The following PGS1 variants were observed in gnomAD, a reference collection of about 807,000 sequenced individuals.
PGS1 encodes phosphatidylglycerophosphate synthase 1, also known as CDP-diacylglycerol--glycerol-3-phosphate 3-phosphatidyltransferase, mitochondrial.
In PGS1, 44 loss-of-function variants were observed where a neutral mutation model predicts 58.3. The ratio of observed to expected loss-of-function variants is 0.75; its 90% CI spans 0.59 to 0.97. The LOEUF is 0.97. Ranked by LOEUF, PGS1 falls within the 50% of genes least tolerant of loss-of-function variation. The pLI, the probability that PGS1 is intolerant of heterozygous loss-of-function variation, is 0.00. For synonymous variants in PGS1, 330 were observed against 311.0 expected (o/e 1.06, Z -0.64); for missense variants, 684 against 731.1 (o/e 0.94, Z 0.74).
intron 9 of PGS1, chr17:78,421,969 CCT>C (rs10535561): frequency 0.65 from 98,503 of 152,044 alleles, 33,984 homozygotes; most frequent in East Asian, 0.94. Flanking sequence ...TGTTCCAGTC[CCT>C]GTGTTCCCCG....
Position 78,399,289 on chromosome 17 carries a change from T to C in PGS1, c.512-59T>C, listed in dbSNP as rs533343897. 9.4e-5 allele frequency: 131 copies of C among 1,387,836 alleles called. No individual in the cohort carries two copies. The East Asian group carries it at 1.8e-3, about 19-fold the overall frequency. 86.0% of individuals were successfully genotyped at this position (1,387,836 alleles called of 1,614,324 possible). ...GAGGCCACGTGGAGGTGGCTCCTCATTGGGGGCAGGACGCCTTCCTGTTGT... is the reference window on the plus strand; with the variant it reads ...GAGGCCACGTGGAGGTGGCTCCTCACTGGGGGCAGGACGCCTTCCTGTTGT... On this transcript the variant is annotated intron_variant, in intron 4 of 9. Coordinates refer to ENST00000262764, the MANE Select transcript of PGS1 (RefSeq NM_024419.5).
rs962414666 is a variant in PGS1, at chr17:78,399,373, G to C, written c.537G>C (p.Leu179=). The C allele has an allele frequency of 1.2e-6, 2 of 1,614,048 alleles. No individual in the cohort carries two copies. The highest frequency in any genetic ancestry group is 2.2e-5 in the South Asian group (2 of 91,082). The change falls in exon 5 of 10, where the codon CTG becomes CTC. Residue 179 remains leucine, a synonymous_variant. Transcript: ENST00000262764. The stretch of plus-strand genomic sequence containing the variant: ...GCCGGAAGAACTCCCGCACAATGCT[G>C]CTCCCACTCCTGCGGAGGTTCCCAG... ...SRGRKNSRTM[L]LPLLRRFPEQ...
At chr17:78,381,552 T>G (rs1386241184) in intron 1 of PGS1, among the ~76,000 whole-genome samples, 1 of 152,260 alleles carries the variant, frequency 6.6e-6, no homozygotes, top group African/African-American at 2.4e-5. Flanking sequence ...CTTTGCTTTC[T>G]TCTCCATTAT....
At chr17:78,392,219 A>G (rs1212676934) in intron 1 of PGS1, among the ~76,000 whole-genome samples, 8 of 152,334 alleles carry the variant, frequency 5.3e-5, no homozygotes, top group South Asian at 2.1e-4. Context: ...GGATTTATCT[A>G]TAGGTATTGA....
At chr17:78,422,889 A>G (rs1425212661) in intron 9 of PGS1, among the ~76,000 whole-genome samples, 4 of 152,110 alleles carry the variant, frequency 2.6e-5, no homozygotes, top group Non-Finnish European at 5.9e-5. Flanking sequence ...TGAGGTTAGA[A>G]GTTTGAGACC....
chr17:78,398,350 AGGTAGGT>A lies in PGS1; in HGVS notation c.511+2_511+8del, dbSNP rs1305513677. 1 of 1,610,378 alleles carries A rather than the reference AGGTAGGT, an allele frequency of 6.2e-7. No homozygotes were observed. Among genetic ancestry groups the A allele is most frequent in the South Asian group, 1.1e-5 (1 of 90,996 alleles). On this transcript the variant is annotated splice_donor_variant and splice_donor_5th_base_variant and coding_sequence_variant and intron_variant, in exon 4 of 10. Transcript: ENST00000262764. LOFTEE classifies it high-confidence loss of function. Reference sequence around the variant, plus strand: ...TCTTAGACTTCACGCGGGGCTCACGAGGTAGGTGGCATGCAAGCCTGGCCCCTCCTGC... The same window carrying A: ...TCTTAGACTTCACGCGGGGCTCACGAGGCATGCAAGCCTGGCCCCTCCTGC...
Position 78,411,612 on chromosome 17 carries a change from C to T in PGS1, c.1403-3267C>T, listed in dbSNP as rs545722785. Among the ~76,000 whole-genome samples, 35 of 152,346 alleles carry T rather than the reference C, an allele frequency of 2.3e-4. No individual in the cohort carries two copies. In the South Asian group the frequency reaches 6.0e-3, roughly 26 times the overall value. On this transcript the variant is annotated intron_variant, in intron 7 of 9. Transcript: ENST00000262764. ...CACTTGGTCCGCAGAGGGCTGCTTC[C>T]TCCCTCCCCAGGCTATCGTTCCTGC...
At chr17:78,390,331 A>AG (rs2082735129) in intron 1 of PGS1, among the ~76,000 whole-genome samples, 1 of 95,336 alleles carries the variant, frequency 1.0e-5, no homozygotes, top group African/African-American at 3.6e-5. Flanking sequence ...GGGGTGGGGG[A>AG]GGAACAGCTG....
chr17:78,398,381 G>C, intron 4 of PGS1, 30 bp downstream of exon 4: 2 of 1,433,866 alleles, frequency 1.4e-6, no homozygotes, highest in Non-Finnish European at 2.0e-6. Flanking sequence ...GGCCCCTCCT[G>C]CTTCCTGTGT....
chr17:78,414,153 A>G (rs2084967220), intron 7 of PGS1, among the ~76,000 whole-genome samples: 1 of 152,216 alleles, frequency 6.6e-6, no homozygotes, highest in Non-Finnish European at 1.5e-5. Context: ...TGCATCAGCA[A>G]CTTGAAATAG....
At chr17:78,421,969 C>CGTGTTCGG (rs2085827710) in intron 9 of PGS1, 1 of 151,972 alleles carries the variant, frequency 6.6e-6, no homozygotes, top group South Asian at 2.1e-4. Context: ...TGTTCCAGTC[C>CGTGTTCGG]CTGTGTTCCC....
intron 1 of PGS1, among the ~76,000 whole-genome samples, chr17:78,389,781 T>G (rs572064657): frequency 6.6e-6 from 1 of 151,104 alleles, no homozygotes; most frequent in African/African-American, 2.4e-5. Flanking sequence ...ACCCAACTAA[T>G]TTTTTTGTGT....
chr17:78,412,271 G>A (rs568074484), intron 7 of PGS1, among the ~76,000 whole-genome samples: 7 of 152,196 alleles, frequency 4.6e-5, no homozygotes, highest in South Asian at 2.1e-4. Context: ...TTTTCTTTCT[G>A]ATGGAGAAAG....
At chr17:78,383,695 A>C (rs578018024) in intron 1 of PGS1, among the ~76,000 whole-genome samples, 1 of 152,344 alleles carries the variant, frequency 6.6e-6, no homozygotes, top group East Asian at 1.9e-4. Flanking sequence ...TGTTTATAGC[A>C]GTATAATGGC....
chr17:78,415,112 G>C (rs999177905), intron 8 of PGS1, 85 bp downstream of exon 8: 3 of 1,511,206 alleles, frequency 2.0e-6, no homozygotes, highest in Non-Finnish European at 1.8e-6. Context: ...GCTGCCCTGA[G>C]AGCTGTTTCC....
In PGS1 at chr17:78,407,822, G is replaced by A. The variant is rs12603140; in HGVS notation, c.1402+3733G>A. Among the ~76,000 whole-genome samples the A allele has an allele frequency of 1.2e-3, 187 of 152,356 alleles. 8 individuals carry two copies. The East Asian group carries it at 0.024, about 19-fold the overall frequency. On this transcript the variant is annotated intron_variant, in intron 7 of 9. Transcript: ENST00000262764. Reference sequence around the variant, plus strand: ...CTGGTGGCCCCATGAGTGTGGTGATGCAAGGAAGAGCAGCGTGGGGGGAAG... The same window carrying A: ...CTGGTGGCCCCATGAGTGTGGTGATACAAGGAAGAGCAGCGTGGGGGGAAG...
At chr17:78,415,349 G>A (rs1449442668) in intron 8 of PGS1, among the ~76,000 whole-genome samples, 2 of 152,200 alleles carry the variant, frequency 1.3e-5, no homozygotes, top group Non-Finnish European at 2.9e-5. Context: ...TCGGCATTGG[G>A]GCTGGGTGTG....
At chr17:78,415,797 C>G (rs2085131593) in intron 8 of PGS1, among the ~76,000 whole-genome samples, 1 of 152,144 alleles carries the variant, frequency 6.6e-6, no homozygotes, top group South Asian at 2.1e-4. Context: ...GAAATGGGAG[C>G]GTGTTACCCT....
chr17:78,414,779 C>G, intron 7 of PGS1, 100 bp from the exon 8 acceptor site: 1 of 1,382,644 alleles, frequency 7.2e-7, no homozygotes, highest in Non-Finnish European at 1.0e-6. Flanking sequence ...TCCAGGCACC[C>G]AGGGCAGGCC....
Sources: allele counts gnomAD v4.1 joint callset (sites outside exome capture counted in the v4.1 genomes callset), GRCh38; gene constraint gnomAD v4.1.1; transcripts MANE v1.5; gene names NCBI Gene and HGNC (gene_info 2026-07-23, HGNC 2026-07-21).